The following ADGRV1 variants were observed in gnomAD, a reference collection of about 807,000 sequenced individuals.
ADGRV1 encodes adhesion G protein-coupled receptor V1.
A neutral mutation model predicts 596.2 loss-of-function variants in ADGRV1; 359 were observed. The observed-to-expected ratio is 0.60, with a 90% CI of 0.55 to 0.66. ADGRV1 has a LOEUF of 0.66. Ranked by LOEUF, ADGRV1 falls within the 30% of genes least tolerant of loss-of-function variation. ADGRV1 has a pLI of 0.00. For synonymous variants in ADGRV1, 2,681 were observed against 2,679.2 expected, an observed-to-expected ratio of 1.00 and a Z score of -0.02; for missense variants, 7,274 against 7,575.6, an observed-to-expected ratio of 0.96 and a Z score of 1.48.
chr5:90,627,853 C>T lies in ADGRV1; in HGVS notation c.1238+77C>T, dbSNP rs74704844. ...GATTTAAGTTTTGTGGTGTTGGACA[C>T]AACAATGAACTGTTAGAATATGTGT... On this transcript the variant is annotated intron_variant, in intron 7 of 89. Coordinates refer to ENST00000405460, the MANE Select transcript of ADGRV1 (RefSeq NM_032119.4). 2,741 of 849,100 alleles carry T rather than the reference C, an allele frequency of 3.2e-3. 49 individuals are homozygous for T. The African/African-American group carries it at 0.043, about 13-fold the overall frequency. 52.6% of individuals were successfully genotyped at this position (849,100 alleles called of 1,614,324 possible).
At chr5:90,757,197 T>A in intron 57 of ADGRV1, 36 bp downstream of exon 57, 8 of 1,579,168 alleles carry the variant, frequency 5.1e-6, no homozygotes, top group Non-Finnish European at 7.0e-6. Flanking sequence ...CTTTTTGAGT[T>A]GTGCTTCAGA....
At chr5:91,003,711 G>C (rs1340472961) in intron 85 of ADGRV1, among the ~76,000 whole-genome samples, 1 of 152,098 alleles carries the variant, frequency 6.6e-6, no homozygotes, top group Non-Finnish European at 1.5e-5. Context: ...GGTACTGAAA[G>C]GAAAGAGTGC....
At chr5:90,717,968 A>AT (rs1750379778) in intron 43 of ADGRV1, 1 of 152,164 alleles carries the variant, frequency 6.6e-6, no homozygotes, top group South Asian at 2.1e-4. Flanking sequence ...ATTTTGACTC[A>AT]TTTTTTATTG....
chr5:90,919,242 T>G (rs1773656300), intron 83 of ADGRV1, among the ~76,000 whole-genome samples: 1 of 152,210 alleles, frequency 6.6e-6, no homozygotes. Flanking sequence ...ACTGTTCCTA[T>G]CTCATATATA....
At chr5:90,888,759 A>G (rs1770530971) in intron 83 of ADGRV1, among the ~76,000 whole-genome samples, 1 of 152,102 alleles carries the variant, frequency 6.6e-6, no homozygotes, top group Admixed American at 6.6e-5. Context: ...ACAAATATTG[A>G]GTAACAACTG....
At chr5:90,634,315 A>G (rs903883358) in intron 9 of ADGRV1, among the ~76,000 whole-genome samples, 1 of 152,218 alleles carries the variant, frequency 6.6e-6, no homozygotes, top group Non-Finnish European at 1.5e-5. Flanking sequence ...AAGCTGCTGC[A>G]GTTTCAAGTC....
intron 75 of ADGRV1, among the ~76,000 whole-genome samples, chr5:90,818,374 A>T (rs1356957359): frequency 1.3e-5 from 2 of 150,060 alleles, no homozygotes; most frequent in South Asian, 2.1e-4. Context: ...GGACAATTTG[A>T]CTTCCTCTTT....
chr5:91,014,201 G>A (rs1208278933), intron 85 of ADGRV1, among the ~76,000 whole-genome samples: 2 of 92,298 alleles, frequency 2.2e-5, no homozygotes, highest in East Asian at 6.8e-4. Flanking sequence ...TAACCAGGGA[G>A]GTGAAAGAAC....
chr5:90,710,937 A>C, intron 39 of ADGRV1, 44 bp from the exon 40 acceptor site: 1 of 1,141,910 alleles, frequency 8.8e-7, no homozygotes. Flanking sequence ...AAATATTTTT[A>C]ATCATTTATA....
At chr5:91,014,136 CCACACACACACACA>C (rs70973720) in intron 85 of ADGRV1, among the ~76,000 whole-genome samples, 1 of 35,636 alleles carries the variant, frequency 2.8e-5, no homozygotes, top group Non-Finnish European at 6.5e-5. Flanking sequence ...TTCACAATTG[CCACACACACACACA>C]CACACACACA....
At chr5:90,731,243 G>T (rs754679992) in intron 50 of ADGRV1, among the ~76,000 whole-genome samples, 7 of 152,124 alleles carry the variant, frequency 4.6e-5, no homozygotes, top group Non-Finnish European at 7.3e-5. Context: ...TCTTTACATG[G>T]TGGAGGGAAA....
rs35858094 is a variant in ADGRV1 at position 91,150,009 on chromosome 5, CTT to C, written c.18433-6_18433-5del. 1,618 of 1,279,716 alleles carry C rather than the reference CTT, an allele frequency of 1.3e-3. No homozygotes were observed. The highest frequency in any genetic ancestry group is 7.8e-3 in the East Asian group (257 of 32,846). The allele number at this position is 1,279,716 out of a possible 1,614,324, so 79.3% of individuals were successfully genotyped here. A position where few individuals can be genotyped will look rare whatever the true frequency, so the allele number is the denominator to read the frequency against. On this transcript the variant is annotated intron_variant, in intron 87 of 89. Transcript: ENST00000405460. ...GTTCTTTTTCTTTTTCTTTTCTTTTCTTTTTTTTTTTTTTTTGCAGGGACTTT... is the reference window on the plus strand; with the variant it reads ...GTTCTTTTTCTTTTTCTTTTCTTTTCTTTTTTTTTTTTTTGCAGGGACTTT...
intron 1 of ADGRV1, among the ~76,000 whole-genome samples, chr5:90,590,819 T>G (rs1759397828): frequency 6.6e-6 from 1 of 152,258 alleles, no homozygotes; most frequent in Non-Finnish European, 1.5e-5. Context: ...TATATATTCA[T>G]TTAAATACTA....
rs760393048 is a variant in ADGRV1 at position 90,729,710 on chromosome 5, G to A, written c.10495G>A (p.Val3499Ile). The change falls in exon 50 of 90, where the codon GTA becomes ATA. Residue 3499 changes from valine (V) to isoleucine (I), a missense_variant. Val to Ile is a conservative substitution (Grantham distance 29). Around this residue, in one of 5 missense-constraint regions of ADGRV1, gnomAD observed 3,643 missense variants for 3,809.2 expected, o/e 0.96. Transcript: ENST00000405460. The part of the protein sequence containing the change: ...GQSSFRYFQS[V>I]DFAAVNRIHS... ...GTCTTCCTTCAGGTATTTTCAGTCT[G>A]TAGATTTTGCTGCTGTTAACAGAAT... 6 of 1,611,814 alleles carry A rather than the reference G, an allele frequency of 3.7e-6. No individual in the cohort carries two copies. In the South Asian group the frequency reaches 6.6e-5, roughly 18 times the overall value.
At chr5:90,894,186 C>T (rs1378684454) in intron 83 of ADGRV1, among the ~76,000 whole-genome samples, 1 of 152,186 alleles carries the variant, frequency 6.6e-6, no homozygotes, top group Non-Finnish European at 1.5e-5. Flanking sequence ...GTGCCCCACC[C>T]TATGGCACAT....
intron 89 of ADGRV1, among the ~76,000 whole-genome samples, chr5:91,153,902 C>G (rs746812570): frequency 1.1e-4 from 16 of 152,224 alleles, no homozygotes; most frequent in Non-Finnish European, 2.2e-4. Flanking sequence ...ATAGTTCTTA[C>G]AGAATGAGAG....
At chr5:90,925,521 G>A (rs1286296960) in intron 83 of ADGRV1, among the ~76,000 whole-genome samples, 1 of 152,130 alleles carries the variant, frequency 6.6e-6, no homozygotes, top group Admixed American at 6.5e-5. Flanking sequence ...TCAGCTTAAG[G>A]AGATTTTGGG....
intron 20 of ADGRV1, among the ~76,000 whole-genome samples, chr5:90,657,395 A>T (rs1376052306): frequency 1.3e-5 from 2 of 152,102 alleles, no homozygotes; most frequent in Non-Finnish European, 2.9e-5. Flanking sequence ...AGCTATTAAC[A>T]TGCCATTGCA....
chr5:91,036,304 A>G (rs1179516961), intron 85 of ADGRV1, among the ~76,000 whole-genome samples: 3 of 151,954 alleles, frequency 2.0e-5, no homozygotes, highest in Admixed American at 6.6e-5. Context: ...TTCTAGACCA[A>G]CCTGGGCAAC....
Sources: allele counts gnomAD v4.1 joint callset (sites outside exome capture counted in the v4.1 genomes callset), GRCh38; gene constraint gnomAD v4.1.1; regional missense constraint gnomAD v4.1.1; transcripts MANE v1.5; gene names NCBI Gene and HGNC (gene_info 2026-07-23, HGNC 2026-07-21).